Variants in MRPL10 observed in about 807,000 individuals in gnomAD.
MRPL10 encodes the protein mitochondrial ribosomal protein L10, also known as large ribosomal subunit protein uL10m.
In MRPL10, 14 loss-of-function variants were observed where a neutral mutation model predicts 19.8. The ratio of observed to expected loss-of-function variants is 0.71; its 90% CI spans 0.47 to 1.11. The LOEUF is 1.11. Among genes scored for constraint, MRPL10 ranks in the 50% least tolerant of loss-of-function variants. The pLI, the probability that MRPL10 is intolerant of heterozygous loss-of-function variation, is 0.00. For missense variants in MRPL10, 318 were observed against 339.6 expected (o/e 0.94, Z 0.50); for synonymous variants, 129 against 139.2 (o/e 0.93, Z 0.52).
rs758115958 is a variant in MRPL10, at chr17:47,827,147, G to A, written c.280C>T (p.Arg94Ter). 4.3e-6 allele frequency: 7 copies of A among 1,613,968 alleles called. No individual in the cohort carries two copies. The highest frequency in any genetic ancestry group is 5.9e-6 in the Non-Finnish European group (7 of 1,179,986). ...ACATTCTGGCAGACGGCTATCATTCGGTTGTCCTGGAAAACTGCTGCTATC... is the reference window on the plus strand; with the variant it reads ...ACATTCTGGCAGACGGCTATCATTCAGTTGTCCTGGAAAACTGCTGCTATC... ...REIAAVFQDN[R>*]MIAVCQNVAL... The change falls in exon 3 of 5, where the codon CGA becomes TGA. Residue 94 changes from arginine (R) to a stop codon, truncating the protein, a stop_gained. Coordinates refer to ENST00000351111, the MANE Select transcript of MRPL10 (RefSeq NM_145255.4). LOFTEE classifies it high-confidence loss of function.
intron 4 of MRPL10, 74 bp from the exon 5 acceptor site, chr17:47,824,532 T>G: frequency 6.7e-7 from 1 of 1,483,974 alleles, no homozygotes; most frequent in South Asian, 1.4e-5. Flanking sequence ...CTGACCCTAG[T>G]AACTTGCTCT....
At chr17:47,831,409 G>C (rs1364029499) in intron 1 of MRPL10, 51 bp downstream of exon 1, 2 of 1,546,958 alleles carry the variant, frequency 1.3e-6, no homozygotes, top group Non-Finnish European at 8.7e-7. Flanking sequence ...GGCAGATGAG[G>C]ACTAGAGAGC....
In MRPL10 at chr17:47,826,622, G is replaced by A; in HGVS notation, c.532+15C>T. 1.2e-6 allele frequency: 2 copies of A among 1,612,612 alleles called. No homozygotes were observed. Among genetic ancestry groups the A allele is most frequent in the South Asian group, 1.1e-5 (1 of 90,988 alleles). ...CTCTTCACCCCACCCCTAACTGGCA[G>A]GGGTGCTTGCTCACCTAGCAGCGGC... On this transcript the variant is annotated intron_variant, in intron 4 of 4. Coordinates refer to ENST00000351111, the MANE Select transcript of MRPL10 (RefSeq NM_145255.4).
chr17:47,827,932 G>A (rs1598038037), intron 2 of MRPL10, among the ~76,000 whole-genome samples: 1 of 147,164 alleles, frequency 6.8e-6, no homozygotes, highest in African/African-American at 2.5e-5. Context: ...TGGCCAGGCA[G>A]GGTGGCTCAT....
intron 1 of MRPL10, among the ~76,000 whole-genome samples, chr17:47,830,589 T>A (rs1471892183): frequency 6.6e-6 from 1 of 151,962 alleles, no homozygotes; most frequent in Admixed American, 6.6e-5. Context: ...CACTGCAACC[T>A]CTGCCTCCTG....
intron 4 of MRPL10, among the ~76,000 whole-genome samples, chr17:47,824,687 A>C (rs1440611660): frequency 6.6e-6 from 1 of 152,124 alleles, no homozygotes; most frequent in East Asian, 1.9e-4. Flanking sequence ...CCTGACCCCT[A>C]TTAAGTCAGT....
At chr17:47,828,242 C>T in intron 2 of MRPL10, 1 of 344,944 alleles carries the variant, frequency 2.9e-6, no homozygotes, top group Non-Finnish European at 5.2e-6. Context: ...CTCTCCCCAG[C>T]CCCACCTGCT....
rs1435424583 is a variant in MRPL10 at position 47,823,977 on chromosome 17, C to T, written c.*228G>A. 1.9e-5 allele frequency: 11 copies of T among 580,048 alleles called. No individual in the cohort carries two copies. The highest frequency in any genetic ancestry group is 1.9e-4 in the African/African-American group (10 of 52,910). 35.9% of individuals were successfully genotyped at this position (580,048 alleles called of 1,614,324 possible). On this transcript the variant is annotated 3_prime_UTR_variant, in exon 5 of 5. Coordinates refer to ENST00000351111, the MANE Select transcript of MRPL10 (RefSeq NM_145255.4). ...GGACCTGGAGAATGGAGAGACTTTG[C>T]TCCTATCACGTCCCAAGTTGGGAAA... is the stretch of plus-strand genomic sequence containing the variant.
At position 47,827,718 on chromosome 17, in the gene MRPL10, G is replaced by A. The variant is rs542533863; in HGVS notation, c.223-514C>T. On this transcript the variant is annotated intron_variant, in intron 2 of 4. Coordinates refer to ENST00000351111, the MANE Select transcript of MRPL10 (RefSeq NM_145255.4). ...TCGAGACCAGCCTGACCAACATAGC[G>A]AAACCCCATCTCTACTAAAAATACA... Among the ~76,000 whole-genome samples the A allele has an allele frequency of 1.7e-4, 26 of 151,646 alleles. No homozygotes were observed. In the South Asian group the frequency reaches 5.0e-3, roughly 29 times the overall value.
chr17:47,823,919 A>C lies in MRPL10; in HGVS notation c.*286T>G, dbSNP rs1450407946. 1.2e-5 allele frequency: 5 copies of C among 433,550 alleles called. No individual in the cohort carries two copies. The highest frequency in any genetic ancestry group is 2.1e-5 in the Non-Finnish European group (5 of 238,268). 26.9% of individuals were successfully genotyped at this position (433,550 alleles called of 1,614,324 possible). On this transcript the variant is annotated 3_prime_UTR_variant, in exon 5 of 5. Transcript: ENST00000351111. ...GAGGCAGTGACCAAGGAGGCAGGGG[A>C]CAATAGCCCTATCTTTTCAGGATCT...
intron 1 of MRPL10, chr17:47,831,161 G>T (rs1452440905): frequency 3.3e-6 from 2 of 598,098 alleles, no homozygotes. Context: ...TACAGATTGC[G>T]ACGGGGCTAA....
In MRPL10 at chr17:47,824,017, C is replaced by T. The variant is rs1273553097; in HGVS notation, c.*188G>A. ...AAGTTGGGAAAACTAAGGACGAAGC[C>T]GGTGACTGACATCTGAAATGGAATC... On this transcript the variant is annotated 3_prime_UTR_variant, in exon 5 of 5. Transcript: ENST00000351111. 29 of 711,004 alleles carry T rather than the reference C, an allele frequency of 4.1e-5. No individual in the cohort carries two copies. The highest frequency in any genetic ancestry group is 6.0e-5 in the Non-Finnish European group (26 of 434,766). The allele number at this position is 711,004 out of a possible 1,614,324, so 44.0% of individuals were successfully genotyped here.
chr17:47,826,835 C>T (rs1433036235), intron 3 of MRPL10, 54 bp from the exon 4 acceptor site: 32 of 1,608,806 alleles, frequency 2.0e-5, no homozygotes, highest in Non-Finnish European at 2.6e-5. Flanking sequence ...GGAAGAGCTA[C>T]CTCGTGGGTC....
At chr17:47,829,904 A>AAAAG (rs1555633953) in intron 1 of MRPL10, among the ~76,000 whole-genome samples, 3 of 151,852 alleles carry the variant, frequency 2.0e-5, no homozygotes, top group Non-Finnish European at 2.9e-5. Flanking sequence ...CAAAAAAAAA[A>AAAAG]AAAGAAAGAA....
intron 1 of MRPL10, chr17:47,829,213 G>A (rs193005773): frequency 6.3e-4 from 98 of 155,466 alleles, no homozygotes; most frequent in Non-Finnish European, 5.7e-5. Flanking sequence ...GCAGTGAGCC[G>A]AGATCATGCC....
rs760301719 is a variant in MRPL10, at chr17:47,824,246, C to T, written c.745G>A (p.Ala249Thr). 2.5e-6 allele frequency: 4 copies of T among 1,614,156 alleles called. No individual in the cohort carries two copies. The South Asian group carries it at 4.4e-5, about 18-fold the overall frequency. ...EQREKDSVMS[A>T]NGKPDPDTVP... is the part of the protein sequence containing the mutation. ...GTGTCAGGATCTGGCTTCCCATTGG[C>T]CGACATGACAGAATCCTTCTCGCGT... Residue 249 changes from alanine to threonine, a missense_variant, in exon 5 of 5, where the codon GCC (alanine) becomes ACC (threonine). Physicochemically the swap from Ala to Thr is moderately conservative, Grantham distance 58 (BLOSUM62 0). Coordinates refer to ENST00000351111, the MANE Select transcript of MRPL10 (RefSeq NM_145255.4).
chr17:47,828,322 C>T, intron 2 of MRPL10, 179 bp downstream of exon 2: 1 of 462,428 alleles, frequency 2.2e-6, no homozygotes, highest in Middle Eastern at 5.7e-4. Context: ...ATCCAGAGCC[C>T]AAAAGCCAAT....
At position 47,831,526 on chromosome 17, in the gene MRPL10, T is replaced by A; in HGVS notation, c.-15A>T. On this transcript the variant is annotated 5_prime_UTR_variant, in exon 1 of 5. Transcript: ENST00000351111. ...GCCGCAGCCATCTCCACCGGAAGAA[T>A]GGACGGAAGCCGAGTGGAGACGGAA... 1 of 1,549,530 alleles carries A rather than the reference T, an allele frequency of 6.5e-7. No homozygotes were observed. The highest frequency in any genetic ancestry group is 8.7e-7 in the Non-Finnish European group (1 of 1,146,374).
chr17:47,828,720 A>G, intron 1 of MRPL10, 50 bp from the exon 2 acceptor site: 1 of 1,440,686 alleles, frequency 6.9e-7, no homozygotes, highest in East Asian at 2.8e-5. Flanking sequence ...TGGAGGCCCT[A>G]GTTTATCCCA....
Sources: gnomAD v4.1 joint callset for allele counts (sites outside exome capture counted in the v4.1 genomes callset) on GRCh38, gnomAD v4.1.1 for gene constraint, MANE v1.5 for transcripts, NCBI Gene and HGNC (gene_info 2026-07-23, HGNC 2026-07-21) for gene names.